TRPM3: variants seen among roughly 807,000 people sequenced by gnomAD.
The protein encoded by TRPM3 is transient receptor potential cation channel subfamily M member 3, also known as long transient receptor potential channel 3.
A neutral mutation model predicts 181.2 loss-of-function variants in TRPM3; 77 were observed. That is an observed-to-expected ratio of 0.42 (90% confidence interval 0.35 to 0.51). TRPM3 has a LOEUF of 0.51. Among genes scored for constraint, TRPM3 ranks in the 20% least tolerant of loss-of-function variants. TRPM3 has a pLI of 0.01. For missense variants in TRPM3, 1,759 were observed against 2,196.7 expected, an observed-to-expected ratio of 0.80 and a Z score of 3.98; for synonymous variants, 745 against 796.4, an observed-to-expected ratio of 0.94 and a Z score of 1.09.
intron 9 of TRPM3, among the ~76,000 whole-genome samples, chr9:70,671,709 T>C (rs747169642): frequency 5.9e-5 from 9 of 152,124 alleles, no homozygotes; most frequent in Admixed American, 2.0e-4. Flanking sequence ...GGAACATAGA[T>C]TTATAGGTGC....
At chr9:71,170,913 G>C (rs1854557) in intron 1 of TRPM3, among the ~76,000 whole-genome samples, 61,570 of 152,088 alleles carry the variant, frequency 0.4, 12,763 homozygotes, top group East Asian at 0.52. Flanking sequence ...GGGCAGAACA[G>C]AGCCATATTT....
chr9:71,148,229 T>C (rs1003372082), intron 1 of TRPM3, among the ~76,000 whole-genome samples: 1 of 152,150 alleles, frequency 6.6e-6, no homozygotes, highest in Non-Finnish European at 1.5e-5. Context: ...ACTTTTAAAA[T>C]CAGCTAAAGT....
intron 9 of TRPM3, among the ~76,000 whole-genome samples, chr9:70,659,699 G>T (rs2060845347): frequency 6.6e-6 from 1 of 152,042 alleles, no homozygotes; most frequent in South Asian, 2.1e-4. Flanking sequence ...TCTACAATTT[G>T]GACTGAATTC....
In TRPM3 at chr9:71,087,780, A is replaced by G. The variant is rs527656739; in HGVS notation, c.177+33398T>C. On this transcript the variant is annotated intron_variant, in intron 1 of 25. Transcript: ENST00000677713. ...TTTAGACCAACTCTACTGGGTAGAA[A>G]GACTAAAAAAACACTTCTAACTAAT... Among the ~76,000 whole-genome samples the G allele has an allele frequency of 8.5e-5, 13 of 152,252 alleles. No homozygotes were observed. In the South Asian group the frequency reaches 2.7e-3, roughly 32 times the overall value.
chr9:70,659,354 T>C (rs1187286286), intron 9 of TRPM3, among the ~76,000 whole-genome samples: 1 of 152,084 alleles, frequency 6.6e-6, no homozygotes, highest in Non-Finnish European at 1.5e-5. Context: ...GCCCCAAGTT[T>C]TATGTTGGGA....
In TRPM3 at chr9:70,613,543, G is replaced by T. The variant is rs1162319983; in HGVS notation, c.2526+2365C>A. ...CACTCTGCAGTTCTGTCCAAGTTCT[G>T]TCCACTGACCAGTGCCTGAGCAGTG... is the stretch of plus-strand genomic sequence containing the variant. On this transcript the variant is annotated intron_variant, in intron 18 of 25. Transcript: ENST00000677713. Among the ~76,000 whole-genome samples, 3 of 152,180 alleles carry T rather than the reference G, an allele frequency of 2.0e-5. No individual in the cohort carries two copies. The East Asian group carries it at 5.8e-4, about 29-fold the overall frequency.
chr9:71,382,679 C>A (rs2132881817), intron 1 of TRPM3, among the ~76,000 whole-genome samples: 1 of 136,112 alleles, frequency 7.3e-6, no homozygotes, highest in East Asian at 2.3e-4. Flanking sequence ...ACTTTTATAT[C>A]TGTATAGTCT....
chr9:71,101,704 C>T (rs1278598252), intron 1 of TRPM3, among the ~76,000 whole-genome samples: 2 of 152,160 alleles, frequency 1.3e-5, no homozygotes, highest in African/African-American at 2.4e-5. Context: ...GCTGTAAATG[C>T]ACTCTTTGTA....
intron 1 of TRPM3, among the ~76,000 whole-genome samples, chr9:71,089,144 AATAT>A (rs530146436): frequency 6.8e-6 from 1 of 147,686 alleles, no homozygotes. Context: ...ATTATATATG[AATAT>A]ATATTTTATA....
At chr9:71,023,208 T>C (rs1324089133) in intron 1 of TRPM3, among the ~76,000 whole-genome samples, 1 of 152,004 alleles carries the variant, frequency 6.6e-6, no homozygotes, top group South Asian at 2.1e-4. Context: ...AAAGAAGAAA[T>C]AGAGGTGGCA....
At chr9:71,188,877 A>T (rs1242128407) in intron 1 of TRPM3, among the ~76,000 whole-genome samples, 2 of 151,986 alleles carry the variant, frequency 1.3e-5, no homozygotes, top group Non-Finnish European at 2.9e-5. Flanking sequence ...ATGTATATAA[A>T]GTAATAAGCA....
chr9:71,421,367 G>T (rs1211542727), intron 1 of TRPM3, among the ~76,000 whole-genome samples: 2 of 151,236 alleles, frequency 1.3e-5, no homozygotes. Flanking sequence ...AATAAAAGTT[G>T]AAATTTAAAA....
At chr9:71,446,597 T>A in intron 1 of TRPM3, 1 of 1,517,334 alleles carries the variant, frequency 6.6e-7, no homozygotes, top group South Asian at 1.3e-5. Context: ...AGGGCTCAAG[T>A]CGCGTGCGAA....
intron 1 of TRPM3, among the ~76,000 whole-genome samples, chr9:71,114,844 G>A (rs973325058): frequency 7.2e-5 from 11 of 152,078 alleles, no homozygotes; most frequent in Non-Finnish European, 1.3e-4. Flanking sequence ...CTATTTTTAG[G>A]AGCTCTCGTT....
intron 8 of TRPM3, among the ~76,000 whole-genome samples, chr9:70,686,214 G>A (rs1164751967): frequency 1.3e-5 from 2 of 151,814 alleles, no homozygotes; most frequent in East Asian, 1.9e-4. Flanking sequence ...AATGATATAT[G>A]TGTATATATA....
chr9:71,112,725 G>T (rs1313849327), intron 1 of TRPM3, among the ~76,000 whole-genome samples: 3 of 152,126 alleles, frequency 2.0e-5, no homozygotes, highest in African/African-American at 7.2e-5. Context: ...AAATGAGTTG[G>T]AAGAGCTAAT....
chr9:71,348,277 T>A (rs1198857133), intron 1 of TRPM3, among the ~76,000 whole-genome samples: 2 of 152,078 alleles, frequency 1.3e-5, no homozygotes, highest in African/African-American at 4.8e-5. Flanking sequence ...CTACATTTGA[T>A]GAACAGTTGC....
At chr9:71,083,940 A>G (rs2064842004) in intron 1 of TRPM3, among the ~76,000 whole-genome samples, 1 of 152,002 alleles carries the variant, frequency 6.6e-6, no homozygotes, top group Non-Finnish European at 1.5e-5. Context: ...TATTAAAGTC[A>G]GTAAATTTCC....
chr9:70,767,140 G>A (rs372986816), intron 7 of TRPM3, among the ~76,000 whole-genome samples: 1 of 152,210 alleles, frequency 6.6e-6, no homozygotes, highest in African/African-American at 2.4e-5. Flanking sequence ...CTCTCCTGGC[G>A]TTAACAGTGC....
Sources: gnomAD v4.1 joint callset for allele counts (sites outside exome capture counted in the v4.1 genomes callset) on GRCh38, gnomAD v4.1.1 for gene constraint, MANE v1.5 for transcripts, NCBI Gene and HGNC (gene_info 2026-07-23, HGNC 2026-07-21) for gene names.